ELAVL4: variants seen among roughly 807,000 people sequenced by gnomAD.
The protein encoded by ELAVL4 is ELAV like RNA binding protein 4.
In ELAVL4, 1 loss-of-function variant was observed where a neutral mutation model predicts 35.6. The ratio of observed to expected loss-of-function variants is 0.03; its 90% CI spans 0.01 to 0.13. The LOEUF (loss-of-function observed/expected upper bound fraction) is 0.13. Among genes scored for constraint, ELAVL4 ranks in the 10% least tolerant of loss-of-function variants. The pLI is 1.00. For missense variants in ELAVL4, 267 were observed against 464.9 expected (o/e 0.57, Z 3.91); for synonymous variants, 156 against 171.0 (o/e 0.91, Z 0.69).
chr1:50,177,477 G>A (rs372552180), intron 3 of ELAVL4, among the ~76,000 whole-genome samples: 1 of 152,226 alleles, frequency 6.6e-6, no homozygotes. Flanking sequence ...GCCTGAGTCT[G>A]CAAAGATGGC....
chr1:50,058,805 T>C (rs1663815293), intron 1 of ELAVL4, among the ~76,000 whole-genome samples: 1 of 151,970 alleles, frequency 6.6e-6, no homozygotes. Flanking sequence ...GGTTTCCCCA[T>C]GTTGCCCAGG....
chr1:50,168,781 GTTCT>G (rs1678433970), intron 2 of ELAVL4, among the ~76,000 whole-genome samples: 1 of 151,942 alleles, frequency 6.6e-6, no homozygotes, highest in South Asian at 2.1e-4. Flanking sequence ...TAGAAGTAGA[GTTCT>G]TAGCATTTTG....
chr1:50,121,064 C>CA (rs34285047), intron 1 of ELAVL4, among the ~76,000 whole-genome samples: 4 of 151,676 alleles, frequency 2.6e-5, no homozygotes, highest in Non-Finnish European at 4.4e-5. Context: ...AGTAAGTACT[C>CA]AAAAAAAATG....
chr1:50,108,609 G>A (rs960614072), upstream of ELAVL4, among the ~76,000 whole-genome samples: 1 of 152,106 alleles, frequency 6.6e-6, no homozygotes, highest in Non-Finnish European at 1.5e-5. Context: ...CCCACTGTTA[G>A]TTTAGGTTTG....
Position 50,160,613 on chromosome 1 carries a change from G to A in ELAVL4, c.250+15416G>A, listed in dbSNP as rs531918237. ...TTAGTGGTAGATCCAAGGCCAGAGAGCACCTTAGTGTTATTTCAGAAAGGA... is the reference window on the plus strand; with the variant it reads ...TTAGTGGTAGATCCAAGGCCAGAGAACACCTTAGTGTTATTTCAGAAAGGA... On this transcript the variant is annotated intron_variant, in intron 2 of 6. Transcript: ENST00000371824. Among the ~76,000 whole-genome samples the A allele has an allele frequency of 9.9e-4, 151 of 152,236 alleles. 1 individual carries two copies. Among genetic ancestry groups the A allele is most frequent in the African/African-American group, 3.5e-3 (147 of 41,534 alleles).
At chr1:50,083,524 C>T (rs1485974598) in intron 1 of ELAVL4, among the ~76,000 whole-genome samples, 1 of 152,178 alleles carries the variant, frequency 6.6e-6, no homozygotes, top group African/African-American at 2.4e-5. Context: ...AAAGCTCCTT[C>T]CTCTCTCACT....
intron 2 of ELAVL4, among the ~76,000 whole-genome samples, chr1:50,159,419 C>T (rs1022548572): frequency 2.6e-5 from 4 of 152,190 alleles, no homozygotes; most frequent in Middle Eastern, 3.4e-3. Context: ...GCCAGCCTGG[C>T]CAACATGGTG....
intron 1 of ELAVL4, among the ~76,000 whole-genome samples, chr1:50,133,719 AG>A (rs1671417292): frequency 6.6e-6 from 1 of 152,176 alleles, no homozygotes; most frequent in South Asian, 2.1e-4. Context: ...AGTGTGATAA[AG>A]TAATTTTCAG....
intron 1 of ELAVL4, among the ~76,000 whole-genome samples, chr1:50,077,073 C>G (rs1433801873): frequency 6.6e-6 from 1 of 152,050 alleles, no homozygotes; most frequent in African/African-American, 2.4e-5. Flanking sequence ...ATACATGACC[C>G]TATACTGCAC....
At chr1:50,116,413 C>CGT (rs753845198) in intron 1 of ELAVL4, among the ~76,000 whole-genome samples, 457 of 143,392 alleles carry the variant, frequency 3.2e-3, no homozygotes, top group Middle Eastern at 7.0e-3. Context: ...TGTGTGTGTG[C>CGT]GTGTGTGTGT....
At chr1:50,188,566 A>G (rs780334854) in intron 3 of ELAVL4, among the ~76,000 whole-genome samples, 1 of 152,228 alleles carries the variant, frequency 6.6e-6, no homozygotes, top group Non-Finnish European at 1.5e-5. Flanking sequence ...GATGGGTTGC[A>G]TGGACACAGT....
chr1:50,191,714 C>G (rs1008192478), intron 3 of ELAVL4, among the ~76,000 whole-genome samples: 1 of 152,058 alleles, frequency 6.6e-6, no homozygotes, highest in East Asian at 1.9e-4. Context: ...TTAGAGAAAG[C>G]TGCCTAGAGA....
chr1:50,173,563 G>A (rs991252482), intron 2 of ELAVL4, among the ~76,000 whole-genome samples: 3 of 152,200 alleles, frequency 2.0e-5, no homozygotes, highest in African/African-American at 7.2e-5. Context: ...AGTAAGGGTT[G>A]TAGGTCACCT....
chr1:50,154,257 T>G (rs1336624862), intron 2 of ELAVL4, among the ~76,000 whole-genome samples: 1 of 152,216 alleles, frequency 6.6e-6, no homozygotes, highest in Non-Finnish European at 1.5e-5. Context: ...ACTTTGCTAG[T>G]AACTAACTCT....
chr1:50,156,456 TA>T (rs1675772814), intron 2 of ELAVL4, among the ~76,000 whole-genome samples: 1 of 152,038 alleles, frequency 6.6e-6, no homozygotes, highest in African/African-American at 2.4e-5. Flanking sequence ...AACAGATGGA[TA>T]AAGGGGGAGG....
At chr1:50,108,581 T>A (rs183931281), upstream of ELAVL4, among the ~76,000 whole-genome samples, 1 of 152,016 alleles carries the variant, frequency 6.6e-6, no homozygotes, top group Non-Finnish European at 1.5e-5. Context: ...GCCCTCAGGA[T>A]GGGAAAAGAA....
chr1:50,156,396 C>G (rs1675759002), intron 2 of ELAVL4, among the ~76,000 whole-genome samples: 1 of 152,158 alleles, frequency 6.6e-6, no homozygotes, highest in Non-Finnish European at 1.5e-5. Context: ...TGGGTTGCTC[C>G]TATCTCGTAA....
chr1:50,200,439 C>A (rs1644330874), intron 6 of ELAVL4, among the ~76,000 whole-genome samples: 2 of 149,938 alleles, frequency 1.3e-5, no homozygotes, highest in Admixed American at 6.6e-5. Flanking sequence ...ACTGAATAAA[C>A]AAATAGAGCC....
intron 3 of ELAVL4, among the ~76,000 whole-genome samples, chr1:50,184,995 C>T (rs1681611078): frequency 6.6e-6 from 1 of 152,160 alleles, no homozygotes; most frequent in South Asian, 2.1e-4. Context: ...GTTTCTTAGT[C>T]ACACTAGGCA....
Sources: gnomAD v4.1 joint callset for allele counts (sites outside exome capture counted in the v4.1 genomes callset) on GRCh38, gnomAD v4.1.1 for gene constraint, MANE v1.5 for transcripts, NCBI Gene and HGNC (gene_info 2026-07-23, HGNC 2026-07-21) for gene names.